Variants in CNDP1 observed in about 807,000 individuals in gnomAD.
The protein encoded by CNDP1 is beta-Ala-His dipeptidase.
In CNDP1, 44 loss-of-function variants were observed where a neutral mutation model predicts 58.1. The observed-to-expected ratio is 0.76, with a 90% confidence interval of 0.60 to 0.97. CNDP1 has a LOEUF of 0.97. Ranked by LOEUF, CNDP1 falls within the 50% of genes least tolerant of loss-of-function variation. The pLI, the probability that CNDP1 is intolerant of heterozygous loss-of-function variation, is 0.00. For missense variants in CNDP1, 616 were observed against 655.1 expected (o/e 0.94, Z 0.65); for synonymous variants, 254 against 252.6 (o/e 1.01, Z -0.05).
intron 10 of CNDP1, among the ~76,000 whole-genome samples, chr18:74,581,218 C>CTGTA: frequency 7.2e-6 from 1 of 138,504 alleles, no homozygotes; most frequent in South Asian, 2.6e-4. Flanking sequence ...CACACCTATC[C>CTGTA]TGTGTGTGTG....
chr18:74,546,026 A>G (rs1356538884), intron 1 of CNDP1, among the ~76,000 whole-genome samples: 2 of 152,172 alleles, frequency 1.3e-5, no homozygotes, highest in Admixed American at 1.3e-4. Flanking sequence ...TGTCCCTGGT[A>G]GAGTATACTT....
chr18:74,584,164 T>C, intron 11 of CNDP1: 1 of 360,268 alleles, frequency 2.8e-6, no homozygotes, highest in Non-Finnish European at 5.1e-6. Context: ...CTTTATGCGC[T>C]ACTGGCAGAT....
At chr18:74,559,068 C>A (rs375276774) in intron 2 of CNDP1, among the ~76,000 whole-genome samples, 33 of 152,146 alleles carry the variant, frequency 2.2e-4, no homozygotes, top group African/African-American at 5.6e-4. Flanking sequence ...AGACCATCAC[C>A]TTTCTCCCAG....
intron 7 of CNDP1, among the ~76,000 whole-genome samples, chr18:74,575,866 C>CTTT (rs1981622618): frequency 2.0e-5 from 1 of 50,124 alleles, no homozygotes; most frequent in African/African-American, 6.0e-5. Context: ...TGTGTGTATA[C>CTTT]ATTTTTTTTT....
chr18:74,550,543 G>T (rs1372990074), intron 1 of CNDP1, among the ~76,000 whole-genome samples: 2 of 151,816 alleles, frequency 1.3e-5, no homozygotes, highest in Admixed American at 1.3e-4. Flanking sequence ...GCTGGAATGA[G>T]TGAAGGCTGG....
chr18:74,543,010 C>G (rs1201918926), intron 1 of CNDP1, among the ~76,000 whole-genome samples: 1 of 152,212 alleles, frequency 6.6e-6, no homozygotes, highest in South Asian at 2.1e-4. Context: ...AAAGACATGC[C>G]TTAAGAAAAA....
At chr18:74,570,887 G>A (rs1347214874) in intron 6 of CNDP1, among the ~76,000 whole-genome samples, 1 of 152,226 alleles carries the variant, frequency 6.6e-6, no homozygotes, top group Non-Finnish European at 1.5e-5. Context: ...AGACAGCTGT[G>A]TAAACATCAA....
In CNDP1 at chr18:74,534,709, C is replaced by T. The variant is rs1054398504; in HGVS notation, c.24+18C>T. 1 of 1,613,906 alleles carries T rather than the reference C, an allele frequency of 6.2e-7. No individual in the cohort carries two copies. Among genetic ancestry groups the T allele is most frequent in the South Asian group, 1.1e-5 (1 of 91,078 alleles). ...GGAGAATGGTGAGTAGGACCTCCTC[C>T]ATCAGAGTCCGTGCATTGGGTGCCA... On this transcript the variant is annotated intron_variant, in intron 1 of 11. Transcript: ENST00000358821.
intron 3 of CNDP1, among the ~76,000 whole-genome samples, chr18:74,560,313 C>G (rs1184631830): frequency 2.6e-5 from 4 of 152,182 alleles, no homozygotes; most frequent in Non-Finnish European, 5.9e-5. Flanking sequence ...CGTGCCCGGC[C>G]CGTCTGCATT....
chr18:74,565,554 T>C lies in CNDP1; in HGVS notation c.556-1679T>C, dbSNP rs113340180. Among the ~76,000 whole-genome samples the C allele has an allele frequency of 5.5e-3, 841 of 152,340 alleles. 8 individuals are homozygous for C. Among genetic ancestry groups the C allele is most frequent in the African/African-American group, 0.019 (775 of 41,572 alleles). On this transcript the variant is annotated intron_variant, in intron 5 of 11. Coordinates refer to ENST00000358821, the MANE Select transcript of CNDP1 (RefSeq NM_032649.6). ...CAAAACAAAGGGGTTACAGTGTCCA[T>C]GCAAGTCTGAAATCCAGGGGTCAAA...
rs772687622 is a variant in CNDP1 at position 74,560,995 on chromosome 18, C to CTGATGGGTGG, written c.443_444insTGATGGGTGG (p.Tyr149AspfsTer51). The CTGATGGGTGG allele has an allele frequency of 6.2e-7, 1 of 1,613,760 alleles. No individual in the cohort carries two copies. The highest frequency in any genetic ancestry group is 8.5e-7 in the Non-Finnish European group (1 of 1,179,782). ...CGGGGCGATGGGTGGCTCACGGACC[C>CTGATGGGTGG]CTATGTGCTGACGGAGGTAGACGGT... On this transcript the variant is annotated frameshift_variant, in exon 4 of 12. Transcript: ENST00000358821. LOFTEE classifies it high-confidence loss of function.
chr18:74,558,089 C>G (rs1250196269), intron 2 of CNDP1, among the ~76,000 whole-genome samples: 2 of 152,202 alleles, frequency 1.3e-5, no homozygotes, highest in Non-Finnish European at 2.9e-5. Context: ...CACAATATTC[C>G]TAAGGGTTAG....
chr18:74,552,197 C>T (rs1323344925), intron 1 of CNDP1, among the ~76,000 whole-genome samples: 1 of 152,192 alleles, frequency 6.6e-6, no homozygotes, highest in Non-Finnish European at 1.5e-5. Flanking sequence ...TGTATAGCTT[C>T]CTCTATCTAC....
At chr18:74,577,103 C>A in intron 8 of CNDP1, 74 bp downstream of exon 8, 1 of 1,334,984 alleles carries the variant, frequency 7.5e-7, no homozygotes, top group South Asian at 1.6e-5. Flanking sequence ...CTGTCTAAGT[C>A]ATTGTCTGGT....
chr18:74,550,075 T>A (rs1397647421), intron 1 of CNDP1, among the ~76,000 whole-genome samples: 2 of 152,034 alleles, frequency 1.3e-5, no homozygotes, highest in African/African-American at 2.4e-5. Context: ...CTAGGACAGG[T>A]CAAAAGGAAA....
rs1380527301 is a variant in CNDP1 at position 74,550,579 on chromosome 18, A to T, written c.25-5759A>T. ...GGGACTATTGGAAAGGCATTATTGA[A>T]TTTTTTTTTTTTTTTTTGAGACAGT... On this transcript the variant is annotated intron_variant, in intron 1 of 11. Coordinates refer to ENST00000358821, the MANE Select transcript of CNDP1 (RefSeq NM_032649.6). Among the ~76,000 whole-genome samples the T allele has an allele frequency of 8.0e-5, 11 of 138,234 alleles. No individual in the cohort carries two copies. The South Asian group carries it at 2.3e-3, about 29-fold the overall frequency. The allele number at this position is 138,234 out of a possible 152,430, so 90.7% of individuals were successfully genotyped here.
At chr18:74,549,642 CACTTGCTAGAGAGACTT>C (rs1411715923) in intron 1 of CNDP1, among the ~76,000 whole-genome samples, 5 of 152,156 alleles carry the variant, frequency 3.3e-5, no homozygotes, top group African/African-American at 1.2e-4. Flanking sequence ...GCAGAGCAAC[CACTTGCTAGAGAGACTT>C]GCGTGACTAA....
At chr18:74,556,760 C>T (rs1981053136) in intron 2 of CNDP1, among the ~76,000 whole-genome samples, 1 of 152,170 alleles carries the variant, frequency 6.6e-6, no homozygotes, top group Non-Finnish European at 1.5e-5. Flanking sequence ...CTGCCCTGGT[C>T]CATCAGGTCG....
intron 5 of CNDP1, among the ~76,000 whole-genome samples, chr18:74,563,129 T>A (rs769322468): frequency 1.3e-5 from 2 of 152,154 alleles, no homozygotes; most frequent in Non-Finnish European, 2.9e-5. Flanking sequence ...GCCAGGGGCT[T>A]CCCTCTCAGA....
Sources: gnomAD v4.1 joint callset for allele counts (sites outside exome capture counted in the v4.1 genomes callset) on GRCh38, gnomAD v4.1.1 for gene constraint, MANE v1.5 for transcripts, NCBI Gene and HGNC (gene_info 2026-07-23, HGNC 2026-07-21) for gene names.